TTN: variants seen among roughly 807,000 people sequenced by gnomAD.
TTN encodes connectin.
TTN carries 1,525 observed loss-of-function variants against 3,223.0 expected under a neutral mutation model. The ratio of observed to expected loss-of-function variants is 0.47; its 90% confidence interval spans 0.45 to 0.49. The LOEUF is 0.49. TTN is among the 20% of genes least tolerant of loss of function. The pLI is 0.00. For missense variants in TTN, 40,786 were observed against 43,424.0 expected, an observed-to-expected ratio of 0.94 and a Z score of 5.40; for synonymous variants, 14,094 against 15,161.0, an observed-to-expected ratio of 0.93 and a Z score of 5.17.
intron 20 of TTN, 148 bp from the exon 21 acceptor site, chr2:178,781,411 C>A: frequency 1.1e-6 from 1 of 906,814 alleles, no homozygotes; most frequent in Non-Finnish European, 1.7e-6. Context: ...TATAAGATTG[C>A]TGAAAATTGA....
chr2:178,731,782 T>C lies in TTN; in HGVS notation c.17093A>G (p.Lys5698Arg). The C allele has an allele frequency of 1.2e-6, 2 of 1,613,812 alleles. No homozygotes were observed. Among genetic ancestry groups the C allele is most frequent in the Non-Finnish European group, 1.7e-6 (2 of 1,179,758 alleles). The change falls in exon 58 of 363, where the codon AAG (lysine) becomes AGG (arginine). Residue 5698 changes from lysine (K) to arginine (R), a missense_variant. Lys to Arg is a conservative substitution (Grantham distance 26). Coordinates refer to ENST00000589042, the MANE Select transcript of TTN (RefSeq NM_001267550.2). ...TTCGCCAGCATCTGCAGCTACAAAC[T>C]TGAGGATCTGCAGGCTAACCAGATG... ...QDHLVSLQILKFVAADAGEYQ... is the reference protein window; with the variant it reads ...QDHLVSLQILRFVAADAGEYQ...
At position 178,734,322 on chromosome 2, in the gene TTN, A is replaced by C; in HGVS notation, c.15496+6T>G. On this transcript the variant is annotated splice_donor_region_variant and intron_variant, in intron 52 of 362. Transcript: ENST00000589042. ...TTAAAGAGACATTAGTTTTTCAAGC[A>C]CTAACCTTTGAGTAAGTGGGTTGCC... 3 of 1,576,792 alleles carry C rather than the reference A, an allele frequency of 1.9e-6. No individual in the cohort carries two copies. The highest frequency in any genetic ancestry group is 2.6e-6 in the Non-Finnish European group (3 of 1,161,948).
In TTN at chr2:178,573,462, CA is replaced by C. The variant is rs727504531; in HGVS notation, c.72669del (p.Asp24224IlefsTer8). 3 of 1,514,844 alleles carry C rather than the reference CA, an allele frequency of 2.0e-6. No homozygotes were observed. The highest frequency in any genetic ancestry group is 2.6e-6 in the Non-Finnish European group (3 of 1,135,274). The allele number at this position is 1,514,844 out of a possible 1,614,324, so 93.8% of individuals were successfully genotyped here. On this transcript the variant is annotated frameshift_variant, in exon 326 of 363. Coordinates refer to ENST00000589042, the MANE Select transcript of TTN (RefSeq NM_001267550.2). LOFTEE classifies it high-confidence loss of function. ...GTCACTTCAGGGTTTTTGGGCGGATCAGGGGGTCCATAAGGATTCACTGCAA... is the reference window on the plus strand; with the variant it reads ...GTCACTTCAGGGTTTTTGGGCGGATCGGGGGTCCATAAGGATTCACTGCAA... ...PVLAVNPYGP[P>X]DPPKNPEVTT...
rs1208908991 is a variant in TTN at position 178,620,697 on chromosome 2, G to T, written c.45895+18C>A. On this transcript the variant is annotated intron_variant, in intron 247 of 362. Coordinates refer to ENST00000589042, the MANE Select transcript of TTN (RefSeq NM_001267550.2). ...AGAAACTGATGAAAAAATCTCTAGTGGTATATAAATTACTTACCTTCTACT... is the reference window on the plus strand; with the variant it reads ...AGAAACTGATGAAAAAATCTCTAGTTGTATATAAATTACTTACCTTCTACT... 6.2e-7 allele frequency: 1 copy of T among 1,609,888 alleles called. No individual in the cohort carries two copies. The highest frequency in any genetic ancestry group is 1.1e-5 in the South Asian group (1 of 89,952).
rs1027584774 is a variant in TTN, at chr2:178,563,172, C to T, written c.82960G>A (p.Val27654Ile). The T allele has an allele frequency of 2.5e-6, 4 of 1,613,756 alleles. No homozygotes were observed. The highest frequency in any genetic ancestry group is 4.5e-5 in the East Asian group (2 of 44,874). ...CCAGGTAGAGTTGCAGGTTCACCTA[C>T]ACCTTCAGAATTGATGGCACAAATA... is the stretch of plus-strand genomic sequence containing the variant. ...FRICAINSEGVGEPATLPGSV... is the reference protein window; with the variant it reads ...FRICAINSEGIGEPATLPGSV... Residue 27654 changes from valine (V) to isoleucine (I), a missense_variant, in exon 326 of 363, where the codon GTA becomes ATA. Coordinates refer to ENST00000589042, the MANE Select transcript of TTN (RefSeq NM_001267550.2). This position sits in a 1 kb window ranked among gnomAD's most constrained non-coding sequence, Gnocchi z 4.5.
Position 178,579,376 on chromosome 2 carries a change from A to C in TTN, c.67654T>G (p.Leu22552Val). 6.4e-7 allele frequency: 1 copy of C among 1,574,206 alleles called. No homozygotes were observed. The highest frequency in any genetic ancestry group is 1.4e-5 in the African/African-American group (1 of 73,390). ...RDDVVAPDLD[L>V]KGLPDLCYLA... ...TAGCACAAATCAGGTAGACCCTTTAAGTCAAGATCAGGAGCCACTGTAAAA... is the reference window on the plus strand; with the variant it reads ...TAGCACAAATCAGGTAGACCCTTTACGTCAAGATCAGGAGCCACTGTAAAA... Residue 22552 changes from leucine (L) to valine (V), a missense_variant, in exon 320 of 363, where the codon TTA becomes GTA. Leu to Val is a conservative substitution (Grantham distance 32). Coordinates refer to ENST00000589042, the MANE Select transcript of TTN (RefSeq NM_001267550.2).
intron 288 of TTN, 156 bp downstream of exon 288, chr2:178,600,698 G>A: frequency 2.4e-6 from 2 of 843,410 alleles, no homozygotes; most frequent in Admixed American, 2.0e-5. Context: ...TGTGGAAATT[G>A]AAGGAATGAG....
In TTN at chr2:178,614,588, T is replaced by G. The variant is rs752071275; in HGVS notation, c.48926A>C (p.Asn16309Thr). Reference sequence around the variant, plus strand: ...AGTCACTGTGGATTTCTTAGGGACATTTTCAATGGTAATTCTTTTGTCCTG... The same window carrying G: ...AGTCACTGTGGATTTCTTAGGGACAGTTTCAATGGTAATTCTTTTGTCCTG... ...LKQDKRITIE[N>T]VPKKSTVTIV... is the part of the protein sequence containing the mutation. The change falls in exon 261 of 363, where the codon AAT (asparagine) becomes ACT (threonine). Residue 16309 changes from asparagine (N) to threonine (T), a missense_variant. Transcript: ENST00000589042. 6 of 1,612,342 alleles carry G rather than the reference T, an allele frequency of 3.7e-6. No homozygotes were observed. In the South Asian group the frequency reaches 6.6e-5, roughly 18 times the overall value.
Position 178,729,747 on chromosome 2 carries a change from C to G in TTN, c.18506G>C (p.Arg6169Thr). The G allele has an allele frequency of 6.2e-7, 1 of 1,613,794 alleles. No homozygotes were observed. Among genetic ancestry groups the G allele is most frequent in the Non-Finnish European group, 8.5e-7 (1 of 1,179,738 alleles). Residue 6169 changes from arginine to threonine, a missense_variant, in exon 63 of 363, where the codon AGG becomes ACG. By Grantham distance (71) the Arg-to-Thr change is moderately conservative (BLOSUM62 -1). Coordinates refer to ENST00000589042, the MANE Select transcript of TTN (RefSeq NM_001267550.2). ...GLATFQISGA[R>T]VENSGTYVCE... ...CACATAAGTCCCACTATTTTCTACC[C>G]TGGCACCAGAAATCTGGAAAGTGGC...
intron 223 of TTN, 52 bp from the exon 224 acceptor site, chr2:178,637,471 G>A: frequency 3.4e-6 from 4 of 1,186,778 alleles, no homozygotes; most frequent in South Asian, 1.9e-5. Context: ...CTTATTTCAT[G>A]TTTAATAGTA....
Position 178,554,999 on chromosome 2 carries a change from A to G in TTN, c.88460T>C (p.Val29487Ala), listed in dbSNP as rs2154153415. Residue 29487 changes from valine to alanine, a missense_variant, in exon 331 of 363, where the codon GTG (valine) becomes GCG (alanine). Val to Ala is a moderately conservative substitution (Grantham distance 64). Transcript: ENST00000589042. ...DDKELQTNALVCVENTTDLAS... is the reference protein window; with the variant it reads ...DDKELQTNALACVENTTDLAS... ...GAGGTCCGTGGTATTTTCAACACAC[A>G]CCAGTGCATTGGTTTGTAATTCTTT... 4 of 1,613,712 alleles carry G rather than the reference A, an allele frequency of 2.5e-6. No homozygotes were observed. In the East Asian group the frequency reaches 6.7e-5, roughly 27 times the overall value.
In TTN at chr2:178,688,687, C is replaced by T. The variant is rs759267144; in HGVS notation, c.32187G>A (p.Thr10729=). The change falls in exon 126 of 363, where the codon ACG becomes ACA. Residue 10729 remains threonine, a synonymous_variant. Coordinates refer to ENST00000589042, the MANE Select transcript of TTN (RefSeq NM_001267550.2). ...CTTCCGATTATATACCTTCGTGCCG[C>T]GTGACTTCCACTCTTTGAGGAACTG... ...SFAVPQRVEV[T]RHEVSAEEEW... 1.1e-5 allele frequency: 17 copies of T among 1,612,170 alleles called. No individual in the cohort carries two copies. The African/African-American group carries it at 1.2e-4, about 11-fold the overall frequency.
intron 113 of TTN, 114 bp from the exon 114 acceptor site, chr2:178,696,383 A>AT: frequency 3.2e-5 from 31 of 975,358 alleles, no homozygotes; most frequent in South Asian, 9.4e-5. Flanking sequence ...TTTATTGATA[A>AT]TTTGTTTTTT....
At chr2:178,580,815 C>G in intron 316 of TTN, 1 of 562,578 alleles carries the variant, frequency 1.8e-6, no homozygotes, top group Non-Finnish European at 3.0e-6. Flanking sequence ...TTAGGCTTAA[C>G]CAGGTTTTCC....
In TTN at chr2:178,551,011, G is replaced by A. The variant is rs774107448; in HGVS notation, c.91520C>T (p.Pro30507Leu). 26 of 1,613,070 alleles carry A rather than the reference G, an allele frequency of 1.6e-5. No homozygotes were observed. The highest frequency in any genetic ancestry group is 1.6e-4 in the Middle Eastern group (1 of 6,078). Residue 30507 changes from proline (P) to leucine (L), a missense_variant, in exon 336 of 363, where the codon CCG (proline) becomes CTG (leucine). By Grantham distance (98) the Pro-to-Leu change is moderately conservative. Transcript: ENST00000589042. ...AATAATGCCAGAAGACTGTGAGGGC[G>A]GGCTTATAGTTCCAACAGCATTTCT... ...IARNAVGTIS[P>L]PSQSSGIIMT...
chr2:178,709,773 G>A lies in TTN; in HGVS notation c.28546C>T (p.Arg9516Cys), dbSNP rs751958797. 2.7e-5 allele frequency: 44 copies of A among 1,613,620 alleles called. No homozygotes were observed. The highest frequency in any genetic ancestry group is 1.2e-4 in the South Asian group (11 of 91,088). ...GTTATAGGTTGGGAACCAGCCACAC[G>A]TCCCTCAAGTTTGAAAGAATTCCCT... Reference protein sequence around the residue: ...TEGNSFKLEGRVAGSQPITVA... With the variant: ...TEGNSFKLEGCVAGSQPITVA... The change falls in exon 99 of 363, where the codon CGT becomes TGT. Residue 9516 changes from arginine (R) to cysteine (C), a missense_variant. Coordinates refer to ENST00000589042, the MANE Select transcript of TTN (RefSeq NM_001267550.2).
In TTN at chr2:178,535,975, T is replaced by C; in HGVS notation, c.100765+7A>G. ...CCTCAACTTGATGATAATTTATTTATTTTTACCTTCCACTTCCAAGGAGGC... is the reference window on the plus strand; with the variant it reads ...CCTCAACTTGATGATAATTTATTTACTTTTACCTTCCACTTCCAAGGAGGC... On this transcript the variant is annotated splice_region_variant and intron_variant, in intron 357 of 362. Transcript: ENST00000589042. The C allele has an allele frequency of 6.6e-7, 1 of 1,526,006 alleles. No homozygotes were observed. The highest frequency in any genetic ancestry group is 2.3e-5 in the East Asian group (1 of 44,262). 94.5% of individuals were successfully genotyped at this position (1,526,006 alleles called of 1,614,324 possible).
intron 3 of TTN, among the ~76,000 whole-genome samples, 163 bp from the exon 4 acceptor site, chr2:178,800,845 T>C (rs946989658): frequency 6.6e-6 from 1 of 152,230 alleles, no homozygotes; most frequent in Non-Finnish European, 1.5e-5. Flanking sequence ...ACAGCAAGAA[T>C]GGGAGCCAGG....
In TTN at chr2:178,539,961, G is replaced by T. The variant is rs74984787; in HGVS notation, c.98104C>A (p.Pro32702Thr). 5.0e-6 allele frequency: 8 copies of T among 1,610,812 alleles called. No homozygotes were observed. In the East Asian group the frequency reaches 1.8e-4, roughly 36 times the overall value. The change falls in exon 352 of 363, where the codon CCT (proline) becomes ACT (threonine). Residue 32702 changes from proline to threonine, a missense_variant. Coordinates refer to ENST00000589042, the MANE Select transcript of TTN (RefSeq NM_001267550.2). ...TVKVTEMLEY[P>T]DYELDERYQE... is the part of the protein sequence containing the mutation. Reference sequence around the variant, plus strand: ...TATCTTTCATCAAGTTCATAATCAGGATATTCTGGAAAAAAAGGTAGGGTT... The same window carrying T: ...TATCTTTCATCAAGTTCATAATCAGTATATTCTGGAAAAAAAGGTAGGGTT...
Sources: allele counts gnomAD v4.1 joint callset (sites outside exome capture counted in the v4.1 genomes callset), GRCh38; gene constraint gnomAD v4.1.1; non-coding constraint Gnocchi (gnomAD v3.1); transcripts MANE v1.5; gene names NCBI Gene and HGNC (gene_info 2026-07-23, HGNC 2026-07-21).